Variants in PWWP2A observed in about 807,000 individuals in gnomAD.
PWWP2A encodes PWWP domain containing 2A.
In PWWP2A, 18 loss-of-function variants were observed where a neutral mutation model predicts 48.5. The observed-to-expected ratio is 0.37, with a 90% CI of 0.26 to 0.55. PWWP2A has a LOEUF of 0.55. Among genes scored for constraint, PWWP2A ranks in the 20% least tolerant of loss-of-function variants. The pLI is 0.81. For missense variants in PWWP2A, 867 were observed against 976.4 expected (o/e 0.89, Z 1.49); for synonymous variants, 396 against 387.7 (o/e 1.02, Z -0.25).
intron 1 of PWWP2A, among the ~76,000 whole-genome samples, chr5:160,108,111 A>T (rs986332888): frequency 2.6e-5 from 4 of 151,720 alleles, no homozygotes; most frequent in Admixed American, 2.0e-4. Flanking sequence ...TTAATTCCAT[A>T]ATTTGTTACA....
chr5:160,063,293 G>C (rs547044115), intron 5 of PWWP2A, among the ~76,000 whole-genome samples: 1 of 152,232 alleles, frequency 6.6e-6, no homozygotes, highest in Non-Finnish European at 1.5e-5. Flanking sequence ...ATGGCTCACT[G>C]CAGCCCTGAA....
chr5:160,050,816 G>C, the PWWP2A span, among the ~76,000 whole-genome samples: 71 of 151,944 alleles, frequency 4.7e-4, no homozygotes, highest in African/African-American at 1.6e-3. Context: ...TGTAGAGACA[G>C]CATTTTGCCA....
At position 160,092,181 on chromosome 5, in the gene PWWP2A, C is replaced by G; in HGVS notation, c.*201G>C. ...ACTGAAAAATACTGCTAAAATCTCA[C>G]TTCCTTAACACAAAATTTGATTATA... On this transcript the variant is annotated 3_prime_UTR_variant, in exon 2 of 2. Coordinates refer to ENST00000307063, the MANE Select transcript of PWWP2A (RefSeq NM_001130864.2). The G allele has an allele frequency of 7.5e-7, 1 of 1,328,496 alleles. No homozygotes were observed. Among genetic ancestry groups the G allele is most frequent in the Non-Finnish European group, 9.6e-7 (1 of 1,043,250 alleles). The allele number at this position is 1,328,496 out of a possible 1,614,324, so 82.3% of individuals were successfully genotyped here.
chr5:160,096,116 G>A lies in PWWP2A; in HGVS notation c.585-2051C>T, dbSNP rs139114541. On this transcript the variant is annotated intron_variant, in intron 1 of 1. Transcript: ENST00000307063. ...TTTACAAAGAGCCAGCATACACCAGGTATTATTCTAGCACCTGAATACTTT... is the reference window on the plus strand; with the variant it reads ...TTTACAAAGAGCCAGCATACACCAGATATTATTCTAGCACCTGAATACTTT... 6.8e-4 allele frequency among the ~76,000 whole-genome samples: 103 copies of A among 152,224 alleles called. 1 individual carries two copies. The highest frequency in any genetic ancestry group is 2.4e-3 in the African/African-American group (101 of 41,534).
chr5:160,073,525 C>A (rs1467496071), downstream of PWWP2A, among the ~76,000 whole-genome samples: 1 of 152,046 alleles, frequency 6.6e-6, no homozygotes, highest in South Asian at 2.1e-4. Context: ...CCATGCCCGG[C>A]CAAAAACATC....
downstream of PWWP2A, among the ~76,000 whole-genome samples, chr5:160,073,511 G>A (rs1005279173): frequency 1.1e-4 from 16 of 152,042 alleles, no homozygotes; most frequent in African/African-American, 3.6e-4. Context: ...ACAGGCGTGA[G>A]CCACCATGCC....
At chr5:160,058,845 G>A (rs1257465103), downstream of PWWP2A, among the ~76,000 whole-genome samples, 1 of 152,176 alleles carries the variant, frequency 6.6e-6, no homozygotes, top group East Asian at 1.9e-4. Flanking sequence ...GCTCCTCAGT[G>A]ACCAGGCACA....
chr5:160,107,668 T>C (rs1296571847), intron 1 of PWWP2A, among the ~76,000 whole-genome samples: 1 of 152,170 alleles, frequency 6.6e-6, no homozygotes, highest in Non-Finnish European at 1.5e-5. Flanking sequence ...TACTTTAAAA[T>C]AGTACACAGT....
the PWWP2A span, among the ~76,000 whole-genome samples, chr5:160,054,261 A>C: frequency 6.6e-6 from 1 of 152,200 alleles, no homozygotes. Flanking sequence ...GGAGCTAGTC[A>C]TTGATGCTTT....
chr5:160,063,279 G>T (rs1753487157), intron 5 of PWWP2A, among the ~76,000 whole-genome samples: 1 of 152,128 alleles, frequency 6.6e-6, no homozygotes, highest in Non-Finnish European at 1.5e-5. Context: ...GCAATGGTAT[G>T]ATCATGGCTC....
chr5:160,069,490 G>A (rs1753692536), intron 2 of PWWP2A, among the ~76,000 whole-genome samples: 1 of 152,152 alleles, frequency 6.6e-6, no homozygotes, highest in Non-Finnish European at 1.5e-5. Flanking sequence ...CGTTAAGTGT[G>A]TAGTTCTGGC....
intron 1 of PWWP2A, among the ~76,000 whole-genome samples, chr5:160,101,507 G>A (rs1756286592): frequency 6.6e-6 from 1 of 152,162 alleles, no homozygotes; most frequent in Admixed American, 6.5e-5. Flanking sequence ...TTGACAGCAG[G>A]TGGAGAAGCA....
chr5:160,059,726 T>C (rs1757649393), downstream of PWWP2A, among the ~76,000 whole-genome samples: 1 of 152,380 alleles, frequency 6.6e-6, no homozygotes. Context: ...AGCTGTCTTA[T>C]GCGGGTGCAG....
At chr5:160,065,761 C>T (rs905615346) in intron 4 of PWWP2A, among the ~76,000 whole-genome samples, 4 of 152,170 alleles carry the variant, frequency 2.6e-5, no homozygotes, top group Non-Finnish European at 4.4e-5. Flanking sequence ...TCTTGGGCCC[C>T]TCCAGGTTTG....
chr5:160,093,062 G>C lies in PWWP2A; in HGVS notation c.1588C>G (p.Pro530Ala). ...PSENQSPSKGPEEASSEVQDT... is the reference protein window; with the variant it reads ...PSENQSPSKGAEEASSEVQDT... Reference sequence around the variant, plus strand: ...TGAACCTCACTGCTGGCCTCTTCAGGGCCTTTTGAGGGACTCTGATTTTCT... The same window carrying C: ...TGAACCTCACTGCTGGCCTCTTCAGCGCCTTTTGAGGGACTCTGATTTTCT... The change falls in exon 2 of 2, where the codon CCT becomes GCT. Residue 530 changes from proline (P) to alanine (A), a missense_variant. By Grantham distance (27) the Pro-to-Ala change is conservative. Around this residue, in one of 4 missense-constraint regions of PWWP2A, gnomAD observed 382 missense variants for 407.2 expected, o/e 0.94. Transcript: ENST00000307063. The surrounding 1 kb of genome is among the most constrained non-coding windows in gnomAD (Gnocchi z 5.8). The C allele has an allele frequency of 1.9e-6, 3 of 1,612,502 alleles. No individual in the cohort carries two copies. Among genetic ancestry groups the C allele is most frequent in the Non-Finnish European group, 1.7e-6 (2 of 1,179,370 alleles).
intron 1 of PWWP2A, among the ~76,000 whole-genome samples, chr5:160,106,630 T>A (rs1296544719): frequency 6.6e-6 from 1 of 152,088 alleles, no homozygotes; most frequent in Non-Finnish European, 1.5e-5. Flanking sequence ...GTAAGTCAAC[T>A]ACATAAAATT....
At chr5:160,109,343 C>T (rs563461172) in intron 1 of PWWP2A, among the ~76,000 whole-genome samples, 1 of 149,004 alleles carries the variant, frequency 6.7e-6, no homozygotes, top group East Asian at 2.0e-4. Context: ...TGTCACATCC[C>T]CTGCTCCAAA....
chr5:160,113,319 C>T, intron 1 of PWWP2A: 1 of 983,338 alleles, frequency 1.0e-6, no homozygotes, highest in South Asian at 4.7e-5. Context: ...CCAAATAAAT[C>T]TGAAAATAAT....
At chr5:160,081,512 T>C in intron 2 of PWWP2A, among the ~76,000 whole-genome samples, 1 of 152,198 alleles carries the variant, frequency 6.6e-6, no homozygotes. Flanking sequence ...AGTGCTGGGA[T>C]TATAGGCGTG....
Sources: allele counts gnomAD v4.1 joint callset (sites outside exome capture counted in the v4.1 genomes callset), GRCh38; gene constraint gnomAD v4.1.1; regional missense constraint gnomAD v4.1.1; non-coding constraint Gnocchi (gnomAD v3.1); transcripts MANE v1.5; gene names NCBI Gene and HGNC (gene_info 2026-07-23, HGNC 2026-07-21).